Variants in MSN observed in about 807,000 individuals in gnomAD.
MSN encodes moesin, also known as epididymis luminal protein 70.
A neutral mutation model predicts 48.0 loss-of-function variants in MSN; 2 were observed. The observed-to-expected ratio is 0.04, with a 90% CI of 0.02 to 0.13. The LOEUF (loss-of-function observed/expected upper bound fraction) is 0.13. Among genes scored for constraint, MSN ranks in the 10% least tolerant of loss-of-function variants. The probability of loss-of-function intolerance (pLI) is 1.00; values close to 1 mark genes in which losing one functional copy is unlikely to be tolerated. For synonymous variants in MSN, 146 were observed against 166.9 expected (o/e 0.87, Z 0.97); for missense variants, 267 against 470.1 (o/e 0.57, Z 3.99).
At chrX:65,726,653 G>A in intron 2 of MSN, among the ~76,000 whole-genome samples, 1 of 110,704 alleles carries the variant, frequency 9.0e-6, no homozygotes. Flanking sequence ...TTTGAAGGGA[G>A]ATATTAATTT....
At chrX:65,643,326 T>G (rs910984412) in intron 1 of MSN, among the ~76,000 whole-genome samples, 1 of 111,074 alleles carries the variant, frequency 9.0e-6, no homozygotes, top group South Asian at 3.8e-4. Context: ...GGGAAGGGCT[T>G]CTGTATTCTG....
chrX:65,656,706 C>T (rs983971584), intron 1 of MSN, among the ~76,000 whole-genome samples: 2 of 111,474 alleles, frequency 1.8e-5, no homozygotes, highest in African/African-American at 3.3e-5. Context: ...GCAGGCACTG[C>T]GGGGCTGAGG....
chrX:65,590,120 T>A (rs748617692), intron 1 of MSN, among the ~76,000 whole-genome samples: 5 of 108,460 alleles, frequency 4.6e-5, no homozygotes, highest in Non-Finnish European at 9.6e-5. Context: ...CGGCCAAGAG[T>A]TTTTCTTTGA....
intron 1 of MSN, among the ~76,000 whole-genome samples, chrX:65,711,442 C>T (rs758499724): frequency 1.8e-5 from 2 of 109,585 alleles, no homozygotes; most frequent in Non-Finnish European, 3.8e-5. Context: ...GTAATTCGCC[C>T]GCCTTGGCCT....
At chrX:65,645,142 T>C (rs983686485) in intron 1 of MSN, among the ~76,000 whole-genome samples, 3 of 111,674 alleles carry the variant, frequency 2.7e-5, no homozygotes, top group African/African-American at 9.8e-5. Flanking sequence ...CTGAGCCATG[T>C]AGACTCCAGG....
At chrX:65,722,695 C>T (rs5964452) in intron 2 of MSN, among the ~76,000 whole-genome samples, 19,324 of 110,387 alleles carry the variant, frequency 0.18, 4,198 homozygotes, top group African/African-American at 0.61. Flanking sequence ...GCTGGGATTA[C>T]AGGATGAGCC....
chrX:65,591,004 C>T, intron 1 of MSN, among the ~76,000 whole-genome samples: 1 of 111,179 alleles, frequency 9.0e-6, no homozygotes, highest in Admixed American at 9.6e-5. Context: ...TTGTTGCCTG[C>T]ATTGGTGGAA....
intron 1 of MSN, among the ~76,000 whole-genome samples, chrX:65,702,802 G>A (rs1248931858): frequency 8.9e-6 from 1 of 111,904 alleles, no homozygotes; most frequent in Non-Finnish European, 1.9e-5. Context: ...GGAGAAAATG[G>A]CAAGGCAGAG....
intron 1 of MSN, among the ~76,000 whole-genome samples, chrX:65,713,522 C>A (rs2071433595): frequency 8.9e-6 from 1 of 112,127 alleles, no homozygotes; most frequent in South Asian, 3.8e-4. Flanking sequence ...TGCCTTTGCA[C>A]AGGTAAGGGA....
chrX:65,642,134 C>CAAA (rs1220561125), intron 1 of MSN, among the ~76,000 whole-genome samples: 11 of 59,701 alleles, frequency 1.8e-4, no homozygotes, highest in Non-Finnish European at 1.4e-4. Context: ...AACTCCATCT[C>CAAA]AAAAAAAAAA....
chrX:65,740,158 T>C lies in MSN; in HGVS notation c.*265T>C. The C allele has an allele frequency of 3.4e-6, 1 of 295,601 alleles. No individual in the cohort carries two copies. The highest frequency in any genetic ancestry group is 6.0e-6 in the Non-Finnish European group (1 of 166,360). 24.4% of individuals were successfully genotyped at this position (295,601 alleles called of 1,213,427 possible). A position where few individuals can be genotyped will look rare whatever the true frequency, so the allele number is the denominator to read the frequency against. ...AATCTGTATGGCTAGAATATCCTAC[T>C]TCTCCAGCCTAGAGGTACTTTCCAC... On this transcript the variant is annotated 3_prime_UTR_variant, in exon 13 of 13. Transcript: ENST00000360270.
At chrX:65,678,091 C>T (rs1189504847) in intron 1 of MSN, among the ~76,000 whole-genome samples, 1 of 111,373 alleles carries the variant, frequency 9.0e-6, no homozygotes, top group East Asian at 2.8e-4. Flanking sequence ...CTCCCTGCAA[C>T]GTCAACTTCT....
At chrX:65,729,367 C>T (rs879235916) in intron 3 of MSN, 71 bp from the exon 4 acceptor site, 2 of 1,103,598 alleles carry the variant, frequency 1.8e-6, no homozygotes, top group Non-Finnish European at 2.4e-6. Flanking sequence ...AGTGTTTTCT[C>T]CCCACCCTAC....
chrX:65,697,211 G>A (rs1438811439), intron 1 of MSN, among the ~76,000 whole-genome samples: 2 of 108,117 alleles, frequency 1.8e-5, no homozygotes, highest in South Asian at 4.0e-4. Context: ...TGGGTGGGGG[G>A]TTGGGGACAT....
At position 65,738,527 on chromosome X, in the gene MSN, C is replaced by T. The variant is rs778773269; in HGVS notation, c.1254C>T (p.Ala418=). The T allele has an allele frequency of 2.5e-6, 3 of 1,203,331 alleles. No homozygotes were observed. The highest frequency in any genetic ancestry group is 6.0e-5 in the East Asian group (2 of 33,438). ...RDQKKTQEQL[A]LEMAELTARI... is the part of the protein sequence containing the mutation. ...ACAGGCTTCCAATTTATCCGTAGGC[C>T]TTGGAAATGGCAGAGCTGACAGCTC... The change falls in exon 11 of 13, where the codon GCC becomes GCT. Residue 418 remains alanine (A), a splice_region_variant and synonymous_variant. Coordinates refer to ENST00000360270, the MANE Select transcript of MSN (RefSeq NM_002444.3).
intron 1 of MSN, among the ~76,000 whole-genome samples, chrX:65,657,213 C>T (rs1602757518): frequency 9.0e-6 from 1 of 111,565 alleles, no homozygotes; most frequent in Non-Finnish European, 1.9e-5. Context: ...ACTGTGCACA[C>T]AAAAGACGAC....
chrX:65,703,305 T>C (rs2071327553), intron 1 of MSN, among the ~76,000 whole-genome samples: 1 of 111,533 alleles, frequency 9.0e-6, no homozygotes. Flanking sequence ...ATGTCTGTTA[T>C]GTTAACTTAA....
chrX:65,624,054 G>T (rs773896847), intron 1 of MSN, among the ~76,000 whole-genome samples: 1 of 110,048 alleles, frequency 9.1e-6, no homozygotes, highest in Non-Finnish European at 1.9e-5. Context: ...TTTTTGCAAG[G>T]CTGGTAGTAA....
At chrX:65,712,118 T>G (rs764220764) in intron 1 of MSN, among the ~76,000 whole-genome samples, 19 of 110,868 alleles carry the variant, frequency 1.7e-4, no homozygotes, top group Admixed American at 2.9e-4. Flanking sequence ...CCATCCTACT[T>G]TATGACGGCC....
Sources: allele counts gnomAD v4.1 joint callset (sites outside exome capture counted in the v4.1 genomes callset), GRCh38; gene constraint gnomAD v4.1.1; transcripts MANE v1.5; gene names NCBI Gene and HGNC (gene_info 2026-07-23, HGNC 2026-07-21).